Variants in PADI2 observed in about 807,000 individuals in gnomAD.
The protein encoded by PADI2 is protein-arginine deiminase type-2.
Under a neutral mutation model 81.1 loss-of-function variants are expected in PADI2, and 70 were observed. The ratio of observed to expected loss-of-function variants is 0.86; its 90% CI spans 0.71 to 1.05. The LOEUF (loss-of-function observed/expected upper bound fraction) is 1.05. PADI2 is among the 50% of genes least tolerant of loss of function. The pLI, the probability that PADI2 is intolerant of heterozygous loss-of-function variation, is 0.00. For missense variants in PADI2, 853 were observed against 889.9 expected (o/e 0.96, Z 0.53); for synonymous variants, 338 against 358.0 (o/e 0.94, Z 0.63).
chr1:17,103,627 T>C (rs1931231209), intron 2 of PADI2, among the ~76,000 whole-genome samples: 1 of 147,338 alleles, frequency 6.8e-6, no homozygotes, highest in Non-Finnish European at 1.5e-5. Flanking sequence ...TGTCTATAAT[T>C]TTCATCCTTT....
At chr1:17,108,903 G>A (rs1931476137) in intron 1 of PADI2, among the ~76,000 whole-genome samples, 1 of 152,230 alleles carries the variant, frequency 6.6e-6, no homozygotes, top group Non-Finnish European at 1.5e-5. Context: ...CCTCAGGTCT[G>A]GGAAGCATTC....
At chr1:17,100,101 C>T (rs570833117) in intron 3 of PADI2, among the ~76,000 whole-genome samples, 6 of 152,076 alleles carry the variant, frequency 3.9e-5, no homozygotes, top group Non-Finnish European at 7.4e-5. Flanking sequence ...CTCAGGATGA[C>T]GGGCTCAAGG....
In PADI2 at chr1:17,070,131, T is replaced by G; in HGVS notation, c.1721A>C (p.Lys574Thr). 1 of 1,614,156 alleles carries G rather than the reference T, an allele frequency of 6.2e-7. No homozygotes were observed. The highest frequency in any genetic ancestry group is 8.5e-7 in the Non-Finnish European group (1 of 1,179,990). ...TCTGGCACGGTGGTCCTCGTCCATC[T>G]TGAACAGAGCGGGCAGGTCAATGAT... ...QDIIDLPALF[K>T]MDEDHRARAF... Residue 574 changes from lysine (K) to threonine (T), a missense_variant, in exon 15 of 16, where the codon AAG (lysine) becomes ACG (threonine). Lys to Thr is a moderately conservative substitution (Grantham distance 78, BLOSUM62 -1). Coordinates refer to ENST00000375486, the MANE Select transcript of PADI2 (RefSeq NM_007365.3).
chr1:17,117,961 G>T (rs1055879068), intron 1 of PADI2, among the ~76,000 whole-genome samples: 3 of 152,224 alleles, frequency 2.0e-5, no homozygotes, highest in African/African-American at 7.2e-5. Context: ...TTACATGGGG[G>T]ACAACTGAAG....
At position 17,069,065 on chromosome 1, in the gene PADI2, C is replaced by G. The variant is rs1450613852; in HGVS notation, c.1977G>C (p.Lys659Asn). 3.1e-6 allele frequency: 5 copies of G among 1,614,150 alleles called. No individual in the cohort carries two copies. The South Asian group carries it at 4.4e-5, about 14-fold the overall frequency. ...CAGGTCAGGGCACCATGTGCCACCA[C>G]TTGAAGGTGAAGGGCTTCCTGCGGA... ...TNVRRKPFTFKWWHMVP is the reference protein window; with the variant it reads ...TNVRRKPFTFNWWHMVP The change falls in exon 16 of 16, where the codon AAG becomes AAC. Residue 659 changes from lysine (K) to asparagine (N), a missense_variant. By Grantham distance (94) the Lys-to-Asn change is moderately conservative. Transcript: ENST00000375486.
intron 3 of PADI2, among the ~76,000 whole-genome samples, chr1:17,101,599 G>A (rs1931145024): frequency 6.6e-6 from 1 of 152,134 alleles, no homozygotes; most frequent in Non-Finnish European, 1.5e-5. Context: ...ACAGAAAGAG[G>A]GACAGGGGGA....
Position 17,071,387 on chromosome 1 carries a change from AC to A in PADI2, c.1635+18del, listed in dbSNP as rs774131604. ...CCTCCCAGGGGCCCTCTGGCCCTGC[AC>A]CCCTGCCCTGCCCTCACCTGGAAGT... On this transcript the variant is annotated intron_variant, in intron 14 of 15. Transcript: ENST00000375486. The A allele has an allele frequency of 1.9e-6, 3 of 1,593,956 alleles. No individual in the cohort carries two copies. The highest frequency in any genetic ancestry group is 2.6e-6 in the Non-Finnish European group (3 of 1,162,384).
intron 13 of PADI2, among the ~76,000 whole-genome samples, chr1:17,074,580 A>G (rs2078287610): frequency 6.6e-6 from 1 of 152,154 alleles, no homozygotes; most frequent in Admixed American, 6.5e-5. Context: ...GTCTGGTGCC[A>G]TTTAAAGTAT....
At chr1:17,084,067 A>T (rs534283245) in intron 8 of PADI2, among the ~76,000 whole-genome samples, 45 of 152,194 alleles carry the variant, frequency 3.0e-4, no homozygotes, top group African/African-American at 4.8e-4. Flanking sequence ...GAGGGGGGGA[A>T]CTCTCACCCC....
chr1:17,104,609 A>G (rs1422438781), intron 2 of PADI2, among the ~76,000 whole-genome samples: 3 of 151,122 alleles, frequency 2.0e-5, no homozygotes, highest in Non-Finnish European at 3.0e-5. Flanking sequence ...AATCTTTTGT[A>G]TTTTTAGTAG....
At position 17,090,945 on chromosome 1, in the gene PADI2, C is replaced by T. The variant is rs531899420; in HGVS notation, c.655+1463G>A. Among the ~76,000 whole-genome samples the T allele has an allele frequency of 6.6e-5, 10 of 152,076 alleles. No homozygotes were observed. The South Asian group carries it at 8.3e-4, about 13-fold the overall frequency. ...TGTCACGACACCAAGGTCAAGAGGC[C>T]GAGGTTGAGGTCCTGCTTGCATCCC... On this transcript the variant is annotated intron_variant, in intron 6 of 15. Transcript: ENST00000375486.
chr1:17,083,494 C>T (rs900617804), intron 9 of PADI2: 5 of 503,796 alleles, frequency 9.9e-6, no homozygotes, highest in Admixed American at 3.5e-5. Context: ...AAGGCCGTTA[C>T]TCAGTCCTCC....
intron 3 of PADI2, among the ~76,000 whole-genome samples, chr1:17,096,685 G>A (rs931617893): frequency 6.6e-6 from 1 of 152,222 alleles, no homozygotes; most frequent in African/African-American, 2.4e-5. Context: ...AGGCTTTGTG[G>A]AGACTGTAGG....
intron 11 of PADI2, among the ~76,000 whole-genome samples, chr1:17,078,694 T>C (rs2078322554): frequency 6.6e-6 from 1 of 151,562 alleles, no homozygotes; most frequent in Admixed American, 6.6e-5. Flanking sequence ...AGCCTATTTA[T>C]TTATCTATTT....
chr1:17,107,062 A>AAGGT (rs1931406802), intron 1 of PADI2, among the ~76,000 whole-genome samples: 1 of 152,120 alleles, frequency 6.6e-6, no homozygotes, highest in Non-Finnish European at 1.5e-5. Flanking sequence ...CTAAGGGAGG[A>AAGGT]AGGTGCCTAG....
Position 17,082,591 on chromosome 1 carries a change from G to T in PADI2, c.1112C>A (p.Ser371Tyr). ...GTCCTTTAGGTTTCCATCTCGGGGAGAGTCCAGCACCACGGGGAAGCCTTT... is the reference window on the plus strand; with the variant it reads ...GTCCTTTAGGTTTCCATCTCGGGGATAGTCCAGCACCACGGGGAAGCCTTT... ...PHKGFPVVLD[S>Y]PRDGNLKDFP... The change falls in exon 10 of 16, where the codon TCT (serine) becomes TAT (tyrosine). Residue 371 changes from serine to tyrosine, a missense_variant. Ser to Tyr is a moderately radical substitution (Grantham distance 144). Transcript: ENST00000375486. 6.2e-7 allele frequency: 1 copy of T among 1,613,672 alleles called. No homozygotes were observed. The highest frequency in any genetic ancestry group is 8.5e-7 in the Non-Finnish European group (1 of 1,179,802).
intron 6 of PADI2, among the ~76,000 whole-genome samples, chr1:17,091,329 G>A (rs534618997): frequency 3.1e-4 from 46 of 150,540 alleles, no homozygotes; most frequent in African/African-American, 8.3e-4. Context: ...GCCACCCCAC[G>A]ACCCGCCTTG....
intron 3 of PADI2, 42 bp from the exon 4 acceptor site, chr1:17,096,012 C>A (rs1394517774): frequency 6.9e-7 from 1 of 1,458,914 alleles, no homozygotes. Flanking sequence ...GCCTGCCAGG[C>A]AGGGCAGGGC....
rs2078364767 is a variant in PADI2, at chr1:17,083,717, G to T, written c.1050+9C>A. 5 of 1,580,110 alleles carry T rather than the reference G, an allele frequency of 3.2e-6. No individual in the cohort carries two copies. The highest frequency in any genetic ancestry group is 4.4e-6 in the Non-Finnish European group (5 of 1,149,000). ...CATGTCCTTCCCAGCCTGGACCTGG[G>T]CTCCTTACCTGGATCCAGCGATCGC... On this transcript the variant is annotated intron_variant, in intron 9 of 15. Transcript: ENST00000375486.
Sources: gnomAD v4.1 joint callset for allele counts (sites outside exome capture counted in the v4.1 genomes callset) on GRCh38, gnomAD v4.1.1 for gene constraint, MANE v1.5 for transcripts, NCBI Gene and HGNC (gene_info 2026-07-23, HGNC 2026-07-21) for gene names.